Variants in CSMD2 observed in about 807,000 individuals in gnomAD.
CSMD2 encodes CUB and Sushi multiple domains 2, also known as CUB and sushi domain-containing protein 2.
A neutral mutation model predicts 398.5 loss-of-function variants in CSMD2; 130 were observed. The ratio of observed to expected loss-of-function variants is 0.33; its 90% CI spans 0.28 to 0.38. The LOEUF is 0.38. Among genes scored for constraint, CSMD2 ranks in the 10% least tolerant of loss-of-function variants. The probability of loss-of-function intolerance (pLI) is 1.00; values close to 1 mark genes in which losing one functional copy is unlikely to be tolerated. For missense variants in CSMD2, 3,829 were observed against 4,764.9 expected (o/e 0.80, Z 5.78); for synonymous variants, 1,828 against 1,908.5 (o/e 0.96, Z 1.10).
chr1:33,924,063 C>T (rs2125299908), intron 4 of CSMD2, among the ~76,000 whole-genome samples: 1 of 152,340 alleles, frequency 6.6e-6, no homozygotes, highest in South Asian at 2.1e-4. Flanking sequence ...AATCATTCTA[C>T]TGTCAACCTC....
At position 33,635,779 on chromosome 1, in the gene CSMD2, C is replaced by G. The variant is rs1642762144; in HGVS notation, c.4970-449G>C. ...ATGGGGAGTGGCCAGCCCATGTGAC[C>G]CAGCCACCTTCTGTTCCTCTCCAAG... On this transcript the variant is annotated intron_variant, in intron 30 of 70. Coordinates refer to ENST00000373381, the MANE Select transcript of CSMD2 (RefSeq NM_001281956.2). This position sits in a 1 kb window ranked among gnomAD's most constrained non-coding sequence, Gnocchi z 5.0. 6.6e-6 allele frequency among the ~76,000 whole-genome samples: 1 copy of G among 152,110 alleles called. No homozygotes were observed. Among genetic ancestry groups the G allele is most frequent in the South Asian group, 2.1e-4 (1 of 4,828 alleles).
chr1:33,661,746 CAG>C (rs1228281146), intron 26 of CSMD2, among the ~76,000 whole-genome samples: 1 of 152,158 alleles, frequency 6.6e-6, no homozygotes, highest in African/African-American at 2.4e-5. Context: ...CTTATTTCCA[CAG>C]AGATGACAGA....
At chr1:33,581,529 CAAAAA>C (rs59068586) in intron 47 of CSMD2, among the ~76,000 whole-genome samples, 4 of 36,876 alleles carry the variant, frequency 1.1e-4, no homozygotes, top group Admixed American at 4.5e-4. Context: ...GACTCAGTCT[CAAAAA>C]AAAAAAAAAA....
At chr1:33,639,494 C>T (rs982219023) in intron 29 of CSMD2, among the ~76,000 whole-genome samples, 3 of 152,146 alleles carry the variant, frequency 2.0e-5, no homozygotes, top group Admixed American at 6.5e-5. Flanking sequence ...ACATGTATCA[C>T]GCTATTTTGG....
At chr1:33,589,046 TA>T (rs1209995319) in intron 44 of CSMD2, among the ~76,000 whole-genome samples, 2 of 152,218 alleles carry the variant, frequency 1.3e-5, no homozygotes, top group East Asian at 3.8e-4. Flanking sequence ...GATCTAACTG[TA>T]AATGTTTTCT....
chr1:33,638,176 C>A (rs1642915112), intron 29 of CSMD2, among the ~76,000 whole-genome samples: 1 of 152,144 alleles, frequency 6.6e-6, no homozygotes, highest in Non-Finnish European at 1.5e-5. Context: ...TCCTCATGTG[C>A]CCCGTGATGC....
rs573966379 is a variant in CSMD2 at position 34,072,067 on chromosome 1, T to C, written c.404+16910A>G. 2.6e-5 allele frequency among the ~76,000 whole-genome samples: 4 copies of C among 152,318 alleles called. No homozygotes were observed. The South Asian group carries it at 8.3e-4, about 32-fold the overall frequency. ...GACAGAACCCAGCTCTCCATGCCCCTGGTCTGGCTCTTGGCACCACATCTT... is the reference window on the plus strand; with the variant it reads ...GACAGAACCCAGCTCTCCATGCCCCCGGTCTGGCTCTTGGCACCACATCTT... On this transcript the variant is annotated intron_variant, in intron 2 of 70. Transcript: ENST00000373381.
At chr1:33,745,127 A>G (rs1010960362) in intron 13 of CSMD2, among the ~76,000 whole-genome samples, 2 of 152,240 alleles carry the variant, frequency 1.3e-5, no homozygotes, top group Non-Finnish European at 2.9e-5. Flanking sequence ...AAAGTGATAA[A>G]TATGACCCTG....
chr1:33,544,024 G>C (rs576788378), intron 57 of CSMD2, among the ~76,000 whole-genome samples: 26 of 151,834 alleles, frequency 1.7e-4, no homozygotes, highest in African/African-American at 5.1e-4. Flanking sequence ...CTTCTAGTTG[G>C]CTCCTGAGTC....
In CSMD2 at chr1:33,535,933, C is replaced by T. The variant is rs1041020837; in HGVS notation, c.9879+1089G>A. Reference sequence around the variant, plus strand: ...GTTCACACCCCTTTATATCAATCACCGTGTCGTGTCTACTGCTCTCAGAAG... The same window carrying T: ...GTTCACACCCCTTTATATCAATCACTGTGTCGTGTCTACTGCTCTCAGAAG... On this transcript the variant is annotated intron_variant, in intron 62 of 70. Transcript: ENST00000373381. Among the ~76,000 whole-genome samples, 8 of 152,160 alleles carry T rather than the reference C, an allele frequency of 5.3e-5. No individual in the cohort carries two copies. The South Asian group carries it at 1.0e-3, about 20-fold the overall frequency.
chr1:33,970,583 C>G (rs932853421), intron 3 of CSMD2, among the ~76,000 whole-genome samples: 3 of 152,198 alleles, frequency 2.0e-5, no homozygotes, highest in Admixed American at 6.5e-5. Context: ...GATGCCCACT[C>G]AACAGGGCAG....
intron 70 of CSMD2, among the ~76,000 whole-genome samples, chr1:33,517,108 T>C (rs1653836435): frequency 6.6e-6 from 1 of 152,114 alleles, no homozygotes; most frequent in East Asian, 1.9e-4. Context: ...GCTTCCTTAG[T>C]AGGGTGTTTA....
intron 29 of CSMD2, among the ~76,000 whole-genome samples, chr1:33,639,785 C>T (rs569993862): frequency 2.6e-5 from 4 of 152,342 alleles, no homozygotes; most frequent in Admixed American, 6.5e-5. Context: ...CCAAGCATTA[C>T]CACATTAATA....
intron 44 of CSMD2, among the ~76,000 whole-genome samples, chr1:33,590,595 T>TCTCACACA (rs138836325): frequency 7.3e-6 from 1 of 137,640 alleles, no homozygotes; most frequent in African/African-American, 2.8e-5. Flanking sequence ...CTATTTCCCA[T>TCTCACACA]CACACACACA....
intron 47 of CSMD2, 113 bp downstream of exon 47, chr1:33,583,529 C>T: frequency 9.4e-7 from 1 of 1,058,684 alleles, no homozygotes; most frequent in East Asian, 2.4e-5. Context: ...GAAGGACATC[C>T]TGTGGAGCTT....
chr1:33,956,137 A>G (rs960257185), intron 3 of CSMD2, among the ~76,000 whole-genome samples: 3 of 152,022 alleles, frequency 2.0e-5, no homozygotes, highest in African/African-American at 7.3e-5. Context: ...CATCTTAACC[A>G]TTTTTAAGTG....
intron 41 of CSMD2, chr1:33,605,737 T>C (rs1640551304): frequency 1.2e-6 from 1 of 820,044 alleles, no homozygotes; most frequent in East Asian, 2.7e-5. Flanking sequence ...ATAGTATCTA[T>C]TATTAGTAAT....
rs78232490 is a variant in CSMD2, at chr1:33,904,135, G to A, written c.920+13959C>T. ...AGCCATTGGGAGGCTTTAAACAGGG[G>A]AGACATGATTTGATTAATAAACCCA... On this transcript the variant is annotated intron_variant, in intron 5 of 70. Coordinates refer to ENST00000373381, the MANE Select transcript of CSMD2 (RefSeq NM_001281956.2). Among the ~76,000 whole-genome samples the A allele has an allele frequency of 7.6e-3, 1,155 of 152,260 alleles. 16 individuals carry two copies. Among genetic ancestry groups the A allele is most frequent in the African/African-American group, 0.026 (1,071 of 41,550 alleles).
At chr1:34,113,446 A>G (rs1302008771) in intron 1 of CSMD2, among the ~76,000 whole-genome samples, 1 of 152,260 alleles carries the variant, frequency 6.6e-6, no homozygotes, top group African/African-American at 2.4e-5. Context: ...CAAGACGCAC[A>G]TGGGTGAACA....
Sources: allele counts gnomAD v4.1 joint callset (sites outside exome capture counted in the v4.1 genomes callset), GRCh38; gene constraint gnomAD v4.1.1; non-coding constraint Gnocchi (gnomAD v3.1); transcripts MANE v1.5; gene names NCBI Gene and HGNC (gene_info 2026-07-23, HGNC 2026-07-21).